Variants in RAB7A observed in about 807,000 individuals in gnomAD.
RAB7A encodes the protein RAB7A, member RAS oncogene family, also known as ras-related protein Rab-7a.
In RAB7A, 2 loss-of-function variants were observed where a neutral mutation model predicts 24.5. The observed-to-expected ratio is 0.08, with a 90% CI of 0.03 to 0.26. The LOEUF (loss-of-function observed/expected upper bound fraction) is 0.26. Among genes scored for constraint, RAB7A ranks in the 10% least tolerant of loss-of-function variants. RAB7A has a pLI of 1.00. For missense variants in RAB7A, 118 were observed against 255.7 expected, an observed-to-expected ratio of 0.46 and a Z score of 3.67; for synonymous variants, 100 against 95.9, an observed-to-expected ratio of 1.04 and a Z score of -0.25.
chr3:128,807,698 A>G, intron 5 of RAB7A, 27 bp downstream of exon 5: 4 of 1,613,684 alleles, frequency 2.5e-6, no homozygotes, highest in East Asian at 2.2e-5. Flanking sequence ...TGACCAGCCC[A>G]CTCTGGTGAT....
intron 3 of RAB7A, among the ~76,000 whole-genome samples, chr3:128,805,699 C>A (rs577921393): frequency 2.6e-5 from 4 of 152,204 alleles, no homozygotes; most frequent in Admixed American, 2.6e-4. Context: ...ATCACCCAGG[C>A]TGGAGGGCAA....
At chr3:128,755,691 G>C (rs559399580) in intron 1 of RAB7A, among the ~76,000 whole-genome samples, 3 of 152,248 alleles carry the variant, frequency 2.0e-5, no homozygotes, top group African/African-American at 7.2e-5. Context: ...CCTCAACCTG[G>C]AAAGTGATAT....
At chr3:128,800,470 C>T (rs1409354479) in intron 3 of RAB7A, among the ~76,000 whole-genome samples, 1 of 152,170 alleles carries the variant, frequency 6.6e-6, no homozygotes, top group Non-Finnish European at 1.5e-5. Context: ...TAAGCTGGGA[C>T]CTTGGGGCGC....
intron 5 of RAB7A, among the ~76,000 whole-genome samples, chr3:128,808,273 T>C (rs1014669528): frequency 2.0e-5 from 3 of 151,936 alleles, no homozygotes; most frequent in South Asian, 2.1e-4. Context: ...GGCAGGAGAA[T>C]TGCTTGAACC....
chr3:128,731,235 G>A (rs1453571221), intron 1 of RAB7A, among the ~76,000 whole-genome samples: 1 of 152,302 alleles, frequency 6.6e-6, no homozygotes, highest in African/African-American at 2.4e-5. Context: ...ATTTGAGAGT[G>A]CATAATTACA....
chr3:128,789,944 C>G (rs1182026860), intron 1 of RAB7A, among the ~76,000 whole-genome samples: 3 of 152,124 alleles, frequency 2.0e-5, no homozygotes, highest in African/African-American at 7.2e-5. Context: ...GCGCGTGCCA[C>G]CACGCGCAGC....
At chr3:128,727,459 A>C (rs531672575) in intron 1 of RAB7A, among the ~76,000 whole-genome samples, 1 of 152,070 alleles carries the variant, frequency 6.6e-6, no homozygotes, top group Non-Finnish European at 1.5e-5. Flanking sequence ...CTTTCTTTCT[A>C]TTGATGTCAT....
At chr3:128,788,757 T>C (rs1160607731) in intron 1 of RAB7A, among the ~76,000 whole-genome samples, 1 of 152,202 alleles carries the variant, frequency 6.6e-6, no homozygotes, top group African/African-American at 2.4e-5. Context: ...CCTTTGCCCT[T>C]CCCCTAGGTA....
intron 1 of RAB7A, among the ~76,000 whole-genome samples, chr3:128,738,479 CCTTT>C (rs1458157986): frequency 1.3e-5 from 2 of 152,322 alleles, no homozygotes; most frequent in African/African-American, 2.4e-5. Context: ...TTCCCTACTT[CCTTT>C]ATCTTGATTC....
intron 1 of RAB7A, among the ~76,000 whole-genome samples, chr3:128,770,750 A>G (rs2070877167): frequency 6.6e-6 from 1 of 152,194 alleles, no homozygotes; most frequent in African/African-American, 2.4e-5. Flanking sequence ...GAATATATAA[A>G]GAAAATATCC....
chr3:128,802,144 A>G (rs1933710870), intron 3 of RAB7A, among the ~76,000 whole-genome samples: 2 of 152,240 alleles, frequency 1.3e-5, no homozygotes, highest in South Asian at 4.1e-4. Context: ...TCAATAGTAT[A>G]CTTGTATCTA....
chr3:128,754,467 C>T (rs768600517), intron 1 of RAB7A, among the ~76,000 whole-genome samples: 9 of 152,038 alleles, frequency 5.9e-5, no homozygotes, highest in Non-Finnish European at 1.3e-4. Context: ...CTACAAAGAT[C>T]AACTAAACAC....
intron 1 of RAB7A, chr3:128,764,746 C>G: frequency 1.2e-6 from 1 of 808,356 alleles, no homozygotes; most frequent in South Asian, 1.3e-5. Context: ...CCAGTCATCA[C>G]AGACTGGTTT....
At position 128,777,214 on chromosome 3, in the gene RAB7A, C is replaced by G. The variant is rs73198835; in HGVS notation, c.-8-18146C>G. Among the ~76,000 whole-genome samples the G allele has an allele frequency of 2.2e-3, 335 of 152,108 alleles. 2 individuals carry two copies. The highest frequency in any genetic ancestry group is 4.2e-3 in the Non-Finnish European group (284 of 67,986). On this transcript the variant is annotated intron_variant, in intron 1 of 5. Coordinates refer to ENST00000265062, the MANE Select transcript of RAB7A (RefSeq NM_004637.6). ...AGTATGATTCTTTTTTTCTTTGAGA[C>G]AGGGTCTCACTCTGTCACCCAGCCG...
At chr3:128,811,827 C>T (rs1210849852) in intron 5 of RAB7A, among the ~76,000 whole-genome samples, 5 of 148,050 alleles carry the variant, frequency 3.4e-5, no homozygotes, top group East Asian at 3.9e-4. Context: ...CCAGCCTGGG[C>T]GACAGAGCAA....
At chr3:128,773,192 C>T (rs1384134202) in intron 1 of RAB7A, among the ~76,000 whole-genome samples, 2 of 152,068 alleles carry the variant, frequency 1.3e-5, no homozygotes, top group Non-Finnish European at 2.9e-5. Flanking sequence ...GGGAGCGCCT[C>T]TGCCCGGCCG....
Position 128,742,389 on chromosome 3 carries a change from C to T in RAB7A, c.-9+16030C>T, listed in dbSNP as rs574883257. Among the ~76,000 whole-genome samples the T allele has an allele frequency of 3.9e-5, 6 of 152,256 alleles. No homozygotes were observed. The South Asian group carries it at 8.3e-4, about 21-fold the overall frequency. ...TCCACAGTGTGGAAGGGGACCCGAG[C>T]GGGTTGCCCATGCTGGCTCGGGCAG... On this transcript the variant is annotated intron_variant, in intron 1 of 5. Coordinates refer to ENST00000265062, the MANE Select transcript of RAB7A (RefSeq NM_004637.6).
chr3:128,780,488 C>A (rs973513614), intron 1 of RAB7A, among the ~76,000 whole-genome samples: 4 of 152,096 alleles, frequency 2.6e-5, no homozygotes, highest in Non-Finnish European at 5.9e-5. Flanking sequence ...TTGTACTTAC[C>A]AGCTTATAGA....
intron 1 of RAB7A, among the ~76,000 whole-genome samples, chr3:128,752,973 A>G (rs2070700486): frequency 6.6e-6 from 1 of 152,224 alleles, no homozygotes; most frequent in Non-Finnish European, 1.5e-5. Flanking sequence ...ATTAACTGAC[A>G]TCATGATACC....
Sources: allele counts gnomAD v4.1 joint callset (sites outside exome capture counted in the v4.1 genomes callset), GRCh38; gene constraint gnomAD v4.1.1; transcripts MANE v1.5; gene names NCBI Gene and HGNC (gene_info 2026-07-23, HGNC 2026-07-21).